RORA: variants seen among roughly 807,000 people sequenced by gnomAD.
RORA encodes the protein RAR related orphan receptor A.
RORA carries 7 observed loss-of-function variants against 69.5 expected under a neutral mutation model. The observed-to-expected ratio is 0.10, with a 90% CI of 0.06 to 0.19. The LOEUF (loss-of-function observed/expected upper bound fraction) is 0.19, where lower values mean the gene tolerates loss of function less well. Ranked by LOEUF, RORA falls within the 10% of genes least tolerant of loss-of-function variation. The pLI is 1.00. For synonymous variants in RORA, 261 were observed against 240.8 expected (o/e 1.08, Z -0.78); for missense variants, 457 against 663.0 (o/e 0.69, Z 3.41).
chr15:60,998,100 A>G (rs1028568323), intron 1 of RORA, among the ~76,000 whole-genome samples: 1 of 152,194 alleles, frequency 6.6e-6, no homozygotes, highest in African/African-American at 2.4e-5. Context: ...GGAAGTTCAG[A>G]AACCCCATAT....
chr15:61,113,367 T>A (rs574019771), intron 1 of RORA, among the ~76,000 whole-genome samples: 16 of 152,250 alleles, frequency 1.1e-4, no homozygotes, highest in African/African-American at 3.9e-4. Flanking sequence ...AGGCCCTGAT[T>A]CCCAGGCTTA....
intron 2 of RORA, among the ~76,000 whole-genome samples, chr15:60,555,380 A>G (rs2067328234): frequency 6.6e-6 from 1 of 152,172 alleles, no homozygotes; most frequent in Admixed American, 6.6e-5. Context: ...CACTCTCGAC[A>G]TATATTGGTT....
chr15:61,088,228 A>G (rs552688769), intron 1 of RORA, among the ~76,000 whole-genome samples: 7 of 152,200 alleles, frequency 4.6e-5, no homozygotes, highest in African/African-American at 1.4e-4. Flanking sequence ...CGAAATGACA[A>G]CCTGTGGAAG....
intron 1 of RORA, among the ~76,000 whole-genome samples, chr15:61,136,671 A>G (rs758060554): frequency 1.3e-4 from 20 of 152,206 alleles, no homozygotes; most frequent in African/African-American, 3.4e-4. Context: ...AAGGGTTTCA[A>G]TCAGTATAAT....
intron 1 of RORA, among the ~76,000 whole-genome samples, chr15:60,948,702 A>G (rs1255643753): frequency 6.6e-6 from 1 of 152,238 alleles, no homozygotes; most frequent in Non-Finnish European, 1.5e-5. Flanking sequence ...GGGAAAGAAC[A>G]AGGTCACACA....
intron 1 of RORA, among the ~76,000 whole-genome samples, chr15:60,811,136 A>G (rs2072737759): frequency 2.0e-5 from 3 of 152,210 alleles, no homozygotes; most frequent in Admixed American, 2.0e-4. Context: ...GTCCAGAGAC[A>G]CTCAGTTTCA....
At position 60,693,040 on chromosome 15, in the gene RORA, A is replaced by G. The variant is rs191087242; in HGVS notation, c.167-14354T>C. On this transcript the variant is annotated intron_variant, in intron 1 of 10. Transcript: ENST00000335670. ...CAATATCCCTGATGAACATTGATGC[A>G]AAAATCCTCAATAAAATACCAGCAA... Among the ~76,000 whole-genome samples, 292 of 152,324 alleles carry G rather than the reference A, an allele frequency of 1.9e-3. 1 individual carries two copies. The highest frequency in any genetic ancestry group is 3.5e-3 in the Non-Finnish European group (241 of 68,024).
At chr15:61,192,971 A>G (rs1160662361) in intron 1 of RORA, among the ~76,000 whole-genome samples, 1 of 152,200 alleles carries the variant, frequency 6.6e-6, no homozygotes, top group Non-Finnish European at 1.5e-5. Context: ...CTATTATCTT[A>G]TAACTCCTTG....
At chr15:60,884,897 A>G (rs341389) in intron 1 of RORA, among the ~76,000 whole-genome samples, 52,214 of 152,062 alleles carry the variant, frequency 0.34, 9,376 homozygotes, top group East Asian at 0.68. Context: ...ACATAGAGCA[A>G]GGATGATTGG....
At chr15:61,155,699 A>AG (rs1328537082) in intron 1 of RORA, among the ~76,000 whole-genome samples, 1 of 152,204 alleles carries the variant, frequency 6.6e-6, no homozygotes, top group Non-Finnish European at 1.5e-5. Flanking sequence ...TTCAGCTGTG[A>AG]GGGGAAAAAA....
chr15:60,655,872 C>A (rs1235055948), intron 2 of RORA, among the ~76,000 whole-genome samples: 1 of 152,084 alleles, frequency 6.6e-6, no homozygotes, highest in African/African-American at 2.4e-5. Context: ...TATTTGTAAG[C>A]CTTTTAATTT....
intron 1 of RORA, among the ~76,000 whole-genome samples, chr15:60,797,531 G>C (rs943219575): frequency 2.0e-5 from 3 of 152,152 alleles, no homozygotes; most frequent in Non-Finnish European, 2.9e-5. Flanking sequence ...CACATTCTTT[G>C]GGTACCATGA....
chr15:60,752,898 C>T (rs1266747467), intron 1 of RORA, among the ~76,000 whole-genome samples: 1 of 152,160 alleles, frequency 6.6e-6, no homozygotes, highest in Admixed American at 6.5e-5. Flanking sequence ...TATGTCCAGC[C>T]ATCCAGGGAC....
At chr15:60,859,221 C>T (rs2073411658) in intron 1 of RORA, among the ~76,000 whole-genome samples, 1 of 152,122 alleles carries the variant, frequency 6.6e-6, no homozygotes, top group African/African-American at 2.4e-5. Flanking sequence ...GGAATGGTTA[C>T]TGTTTACCTG....
intron 6 of RORA, 59 bp downstream of exon 6, chr15:60,505,449 T>TACCA (rs2065467930): frequency 6.3e-7 from 1 of 1,581,782 alleles, no homozygotes; most frequent in African/African-American, 1.3e-5. Context: ...AACTTTCCTA[T>TACCA]ACCAACACCC....
rs7174846 is a variant in RORA, at chr15:60,597,589, T to C, written c.197-65738A>G. Among the ~76,000 whole-genome samples the C allele has an allele frequency of 1.4e-3, 31 of 22,888 alleles. 2 individuals are homozygous for C. Among genetic ancestry groups the C allele is most frequent in the South Asian group, 0.01 (4 of 386 alleles). The allele number at this position is 22,888 out of a possible 152,430, so 15.0% of individuals were successfully genotyped here. ...ATATATATATACACATATATATATA[T>C]ATATACACATATATATATATATATA... On this transcript the variant is annotated intron_variant, in intron 2 of 10. Coordinates refer to ENST00000335670, the MANE Select transcript of RORA (RefSeq NM_134261.3).
At chr15:60,808,615 C>T (rs746451398) in intron 1 of RORA, among the ~76,000 whole-genome samples, 15 of 151,494 alleles carry the variant, frequency 9.9e-5, no homozygotes, top group Non-Finnish European at 1.8e-4. Context: ...TGCACACACA[C>T]GTTTATAGCG....
At chr15:60,829,292 G>A (rs774849453) in intron 1 of RORA, among the ~76,000 whole-genome samples, 3 of 152,082 alleles carry the variant, frequency 2.0e-5, no homozygotes, top group Non-Finnish European at 4.4e-5. Context: ...CCGGAGCACC[G>A]GCCTGTTCAA....
intron 6 of RORA, among the ~76,000 whole-genome samples, chr15:60,504,660 TCTC>T (rs1244168152): frequency 1.3e-5 from 2 of 152,206 alleles, no homozygotes; most frequent in African/African-American, 4.8e-5. Flanking sequence ...TTTTCTTGCT[TCTC>T]CTTTGTAGCT....
Sources: allele counts gnomAD v4.1 joint callset (sites outside exome capture counted in the v4.1 genomes callset), GRCh38; gene constraint gnomAD v4.1.1; transcripts MANE v1.5; gene names NCBI Gene and HGNC (gene_info 2026-07-23, HGNC 2026-07-21).